TM6SF2: variants seen among roughly 807,000 people sequenced by gnomAD.
The protein encoded by TM6SF2 is transmembrane 6 superfamily member 2.
A neutral mutation model predicts 41.0 loss-of-function variants in TM6SF2; 29 were observed. That is an observed-to-expected ratio of 0.71 (90% CI 0.53 to 0.96). TM6SF2 has a LOEUF of 0.96. TM6SF2 is among the 50% of genes least tolerant of loss of function. TM6SF2 has a pLI of 0.00. For synonymous variants in TM6SF2, 200 were observed against 209.1 expected, an observed-to-expected ratio of 0.96 and a Z score of 0.37; for missense variants, 475 against 499.0, an observed-to-expected ratio of 0.95 and a Z score of 0.46.
intron 6 of TM6SF2, 105 bp from the exon 7 acceptor site, chr19:19,268,192 C>CTT: frequency 2.9e-6 from 2 of 684,228 alleles, no homozygotes; most frequent in Admixed American, 3.5e-5. Context: ...TTCTTTTTTT[C>CTT]TTTTTTTTCT....
intron 1 of TM6SF2, among the ~76,000 whole-genome samples, chr19:19,272,337 C>T (rs960079378): frequency 1.3e-5 from 2 of 152,162 alleles, no homozygotes; most frequent in Non-Finnish European, 2.9e-5. Context: ...AATCCTTAAC[C>T]GTAACTATGA....
At chr19:19,268,157 A>C in intron 6 of TM6SF2, 70 bp from the exon 7 acceptor site, 2 of 1,028,524 alleles carry the variant, frequency 1.9e-6, no homozygotes, top group Non-Finnish European at 2.9e-6. Flanking sequence ...GTACTCAATA[A>C]AGGTTCCTAA....
chr19:19,270,921 G>T, intron 2 of TM6SF2, 101 bp downstream of exon 2: 1 of 952,208 alleles, frequency 1.1e-6, no homozygotes, highest in African/African-American at 1.6e-5. Flanking sequence ...CTCTTAAAGG[G>T]CCCCCAGTCT....
chr19:19,272,669 G>A (rs1020814189), intron 1 of TM6SF2, among the ~76,000 whole-genome samples: 1 of 150,784 alleles, frequency 6.6e-6, no homozygotes, highest in Admixed American at 6.6e-5. Flanking sequence ...AAAGTCACAG[G>A]CCTGAGACAG....
rs143372544 is a variant in TM6SF2 at position 19,265,832 on chromosome 19, C to A, written c.924+658G>T. Among the ~76,000 whole-genome samples the A allele has an allele frequency of 1.7e-3, 260 of 152,262 alleles. 1 individual carries two copies. The East Asian group carries it at 0.025, about 14-fold the overall frequency. On this transcript the variant is annotated intron_variant, in intron 9 of 9. Transcript: ENST00000389363. ...TAACCCCATCTCCTGGGCCCTGCAC[C>A]CCATCTCTCTCTGACCTGGCTCCAG...
rs1401087488 is a variant in TM6SF2 at position 19,268,028 on chromosome 19, T to C, written c.669A>G (p.Ile223Met). Residue 223 changes from isoleucine (I) to methionine (M), a missense_variant, in exon 7 of 10, where the codon ATA becomes ATG. Transcript: ENST00000389363. ...LQRPADLALV[I>M]YLILAGFFTL... ...TGAAGAAGCCAGCAAGGATGAGATA[T>C]ATGACAAGGGCCAGGTCAGCCGGAC... 2 of 1,613,852 alleles carry C rather than the reference T, an allele frequency of 1.2e-6. No individual in the cohort carries two copies. Among genetic ancestry groups the C allele is most frequent in the South Asian group, 1.1e-5 (1 of 91,060 alleles).
chr19:19,264,784 C>T lies in TM6SF2; in HGVS notation c.1014G>A (p.Val338=). Residue 338 remains valine (V), a synonymous_variant, in exon 10 of 10, where the codon GTG becomes GTA. Transcript: ENST00000389363. ...VPEDTWGCFF[V]CNLLYALGPH... is the part of the protein sequence containing the mutation. ...GGCCCAGCGCATACAGCAGATTGCACACGAAGAAGCAGCCCCAGGTGTCCT... is the reference window on the plus strand; with the variant it reads ...GGCCCAGCGCATACAGCAGATTGCATACGAAGAAGCAGCCCCAGGTGTCCT... The T allele has an allele frequency of 1.2e-6, 2 of 1,610,294 alleles. No homozygotes were observed. The highest frequency in any genetic ancestry group is 2.2e-5 in the East Asian group (1 of 44,502).
chr19:19,269,804 T>C, intron 4 of TM6SF2, 35 bp from the exon 5 acceptor site: 2 of 1,613,638 alleles, frequency 1.2e-6, no homozygotes, highest in African/African-American at 1.3e-5. Flanking sequence ...CAGCAGGTAG[T>C]CACTCCGTAA....
At position 19,264,848 on chromosome 19, in the gene TM6SF2, G is replaced by A; in HGVS notation, c.950C>T (p.Ser317Phe). The A allele has an allele frequency of 6.3e-7, 1 of 1,585,488 alleles. No individual in the cohort carries two copies. Among genetic ancestry groups the A allele is most frequent in the Non-Finnish European group, 8.6e-7 (1 of 1,167,058 alleles). Residue 317 changes from serine (S) to phenylalanine (F), a missense_variant, in exon 10 of 10, where the codon TCC becomes TTC. Transcript: ENST00000389363. ...GQAQFSHMGA[S>F]MHLRTPFTYR... ...GGTGAAGGGTGTGCGCAGGTGCATG[G>A]AAGCCCCCATGTGCGAGAACTGTGC... is the stretch of plus-strand genomic sequence containing the variant.
In TM6SF2 at chr19:19,270,551, C is replaced by T; in HGVS notation, c.200-109G>A. The T allele has an allele frequency of 1.5e-6, 2 of 1,346,588 alleles. 1 individual carries two copies. Among genetic ancestry groups the T allele is most frequent in the South Asian group, 2.7e-5 (2 of 73,158 alleles). The allele number at this position is 1,346,588 out of a possible 1,614,324, so 83.4% of individuals were successfully genotyped here. Reference sequence around the variant, plus strand: ...GTTAAGGTCAGGGATGAGATTATTCCAGGCAAGGACTCCAGGCCCAGTCCC... The same window carrying T: ...GTTAAGGTCAGGGATGAGATTATTCTAGGCAAGGACTCCAGGCCCAGTCCC... On this transcript the variant is annotated intron_variant, in intron 2 of 9. Transcript: ENST00000389363.
At chr19:19,272,165 T>C (rs554478292) in intron 1 of TM6SF2, among the ~76,000 whole-genome samples, 77 of 152,336 alleles carry the variant, frequency 5.1e-4, no homozygotes, top group Admixed American at 1.3e-3. Flanking sequence ...ATGGGAGTAC[T>C]GTCCAGTTGT....
intron 8 of TM6SF2, among the ~76,000 whole-genome samples, chr19:19,266,927 G>A (rs2146576433): frequency 6.6e-6 from 1 of 152,338 alleles, no homozygotes; most frequent in East Asian, 1.9e-4. Context: ...ATCTGAGCCT[G>A]CCTAAGACTT....
In TM6SF2 at chr19:19,273,222, G is replaced by T; in HGVS notation, c.-7C>A. 4 of 1,411,262 alleles carry T rather than the reference G, an allele frequency of 2.8e-6. No individual in the cohort carries two copies. The South Asian group carries it at 4.5e-5, about 16-fold the overall frequency. 87.4% of individuals were successfully genotyped at this position (1,411,262 alleles called of 1,614,324 possible). A position where few individuals can be genotyped will look rare whatever the true frequency, so the allele number is the denominator to read the frequency against. ...CCAGCGGCGGGATGTCCATAGCGGC[G>T]GCTGCTGGACCCCGGCTCAGCCCCG... is the stretch of plus-strand genomic sequence containing the variant. On this transcript the variant is annotated 5_prime_UTR_variant, in exon 1 of 10. Coordinates refer to ENST00000389363, the MANE Select transcript of TM6SF2 (RefSeq NM_001001524.3).
Position 19,264,600 on chromosome 19 carries a change from G to T in TM6SF2, c.*64C>A. 3.0e-6 allele frequency: 4 copies of T among 1,332,614 alleles called. No homozygotes were observed. Among genetic ancestry groups the T allele is most frequent in the Non-Finnish European group, 3.9e-6 (4 of 1,022,312 alleles). 82.5% of individuals were successfully genotyped at this position (1,332,614 alleles called of 1,614,324 possible). The stretch of plus-strand genomic sequence containing the variant: ...CCTGTCTCTAAAACACCCAACCCCC[G>T]CTTCCCCAGGTAGGGCTGACTGGGC... On this transcript the variant is annotated 3_prime_UTR_variant, in exon 10 of 10. Transcript: ENST00000389363.
In TM6SF2 at chr19:19,273,276, G is replaced by C. The variant is rs559055958; in HGVS notation, c.-61C>G. 2.4e-6 allele frequency: 3 copies of C among 1,240,934 alleles called. No individual in the cohort carries two copies. Among genetic ancestry groups the C allele is most frequent in the South Asian group, 4.4e-5 (2 of 45,396 alleles). The allele number at this position is 1,240,934 out of a possible 1,614,324, so 76.9% of individuals were successfully genotyped here. On this transcript the variant is annotated 5_prime_UTR_variant, in exon 1 of 10. Transcript: ENST00000389363. ...CGTTCTCCAGGGCGCTCGGCTCCTC[G>C]TTGGCGGCGAGTCCGGGCCGAGGCT...
intron 1 of TM6SF2, among the ~76,000 whole-genome samples, chr19:19,272,260 G>A (rs552298442): frequency 6.8e-4 from 103 of 152,272 alleles, no homozygotes; most frequent in Non-Finnish European, 1.4e-3. Flanking sequence ...TTTCCATCCT[G>A]ACCCCATCTA....
chr19:19,273,129 C>G lies in TM6SF2; in HGVS notation c.87G>C (p.Ala29=). Residue 29 remains alanine, a synonymous_variant, in exon 1 of 10, where the codon GCG becomes GCC. Transcript: ENST00000389363. ...CCCCTCTCCGCACGCACTGCGAGAG[C>G]GCCGAGACGTGGTTGAGCGCGTAGG... The part of the protein sequence containing the change: ...PVSYALNHVS[A]LSHPLWVALM... 6.8e-7 allele frequency: 1 copy of G among 1,465,340 alleles called. No homozygotes were observed. 90.8% of individuals were successfully genotyped at this position (1,465,340 alleles called of 1,614,324 possible).
chr19:19,264,645 T>A lies in TM6SF2; in HGVS notation c.*19A>T, dbSNP rs2060996052. 6 of 1,455,096 alleles carry A rather than the reference T, an allele frequency of 4.1e-6. No homozygotes were observed. Among genetic ancestry groups the A allele is most frequent in the Non-Finnish European group, 5.5e-6 (6 of 1,098,240 alleles). 90.1% of individuals were successfully genotyped at this position (1,455,096 alleles called of 1,614,324 possible). On this transcript the variant is annotated 3_prime_UTR_variant, in exon 10 of 10. Transcript: ENST00000389363. Reference sequence around the variant, plus strand: ...CTGGGCACGTAAACAGAGTCCTGGGTCCTGAGTCCACAGCTCTCTCAATGC... The same window carrying A: ...CTGGGCACGTAAACAGAGTCCTGGGACCTGAGTCCACAGCTCTCTCAATGC...
chr19:19,269,560 CG>C (rs2061015382), intron 5 of TM6SF2, 126 bp downstream of exon 5: 1 of 1,156,116 alleles, frequency 8.6e-7, no homozygotes, highest in East Asian at 2.4e-5. Flanking sequence ...GCTGTGGACA[CG>C]CAAAGAGGGA....
Sources: gnomAD v4.1 joint callset for allele counts (sites outside exome capture counted in the v4.1 genomes callset) on GRCh38, gnomAD v4.1.1 for gene constraint, MANE v1.5 for transcripts, NCBI Gene and HGNC (gene_info 2026-07-23, HGNC 2026-07-21) for gene names.